Variants in DCDC1 observed in about 807,000 individuals in gnomAD.
The protein encoded by DCDC1 is doublecortin domain-containing protein 1.
In DCDC1, 200 loss-of-function variants were observed where a neutral mutation model predicts 178.3. The ratio of observed to expected loss-of-function variants is 1.12; its 90% CI spans 1.00 to 1.26. The LOEUF is 1.26. DCDC1 is among the 50% of genes most tolerant of loss of function. The pLI is 0.00. For synonymous variants in DCDC1, 690 were observed against 604.8 expected (o/e 1.14, Z -2.07); for missense variants, 1,983 against 1,749.2 (o/e 1.13, Z -2.38).
At chr11:31,099,062 T>G (rs960879785) in intron 15 of DCDC1, among the ~76,000 whole-genome samples, 1 of 152,206 alleles carries the variant, frequency 6.6e-6, no homozygotes, top group Non-Finnish European at 1.5e-5. Context: ...AGAAAATAGA[T>G]TTATCTTGTT....
At chr11:31,145,143 T>C (rs1222833371) in intron 9 of DCDC1, among the ~76,000 whole-genome samples, 1 of 152,232 alleles carries the variant, frequency 6.6e-6, no homozygotes, top group African/African-American at 2.4e-5. Flanking sequence ...AATCCCTATC[T>C]GAGCCCTTGA....
Position 31,102,249 on chromosome 11 carries a change from G to C in DCDC1, c.1911C>G (p.Phe637Leu). ...CAGGTATCTGTTGACTGGTACAGTT[G>C]AAATTAATTGGAAATCCCTCACAAA... ...WEVCEGFPIN[F>L]NCTSQQIPDQ... Residue 637 changes from phenylalanine (F) to leucine (L), a missense_variant, in exon 15 of 39, where the codon TTC (phenylalanine) becomes TTG (leucine). Transcript: ENST00000684477. The C allele has an allele frequency of 4.1e-6, 3 of 728,912 alleles. No homozygotes were observed. The highest frequency in any genetic ancestry group is 7.6e-6 in the Non-Finnish European group (3 of 394,566). The allele number at this position is 728,912 out of a possible 1,614,324, so 45.2% of individuals were successfully genotyped here. A position where few individuals can be genotyped will look rare whatever the true frequency, so the allele number is the denominator to read the frequency against.
chr11:31,249,123 G>A (rs1194834416), intron 8 of DCDC1, among the ~76,000 whole-genome samples: 2 of 152,048 alleles, frequency 1.3e-5, no homozygotes, highest in African/African-American at 4.8e-5. Context: ...CAAGGATTTG[G>A]TTTAAAAATT....
intron 4 of DCDC1, 93 bp downstream of exon 4, chr11:31,307,546 T>C: frequency 2.7e-6 from 4 of 1,476,598 alleles, no homozygotes; most frequent in Non-Finnish European, 3.6e-6. Flanking sequence ...TACATTTTAA[T>C]GTCTGAGATA....
intron 9 of DCDC1, among the ~76,000 whole-genome samples, chr11:31,190,039 A>C (rs569795300): frequency 6.6e-6 from 1 of 152,336 alleles, no homozygotes; most frequent in Non-Finnish European, 1.5e-5. Context: ...GACGAGTAAT[A>C]CAAAATGGTT....
chr11:31,213,265 T>C (rs1973036486), intron 9 of DCDC1, among the ~76,000 whole-genome samples: 1 of 151,454 alleles, frequency 6.6e-6, no homozygotes, highest in African/African-American at 2.4e-5. Context: ...TCAGGGTCTA[T>C]TTTCGCCTCA....
At chr11:30,941,243 A>G in intron 21 of DCDC1, among the ~76,000 whole-genome samples, 1 of 151,616 alleles carries the variant, frequency 6.6e-6, no homozygotes, top group East Asian at 1.9e-4. Context: ...AGCCCATTTT[A>G]CTCTATTGTC....
intron 20 of DCDC1, among the ~76,000 whole-genome samples, chr11:31,056,269 C>T (rs1361101191): frequency 4.0e-5 from 6 of 150,940 alleles, no homozygotes; most frequent in Non-Finnish European, 7.4e-5. Context: ...TTAGAGGAGA[C>T]CAAAAAAGAG....
At chr11:31,056,661 A>G (rs1158222534) in intron 20 of DCDC1, among the ~76,000 whole-genome samples, 1 of 152,182 alleles carries the variant, frequency 6.6e-6, no homozygotes, top group Non-Finnish European at 1.5e-5. Flanking sequence ...TAATAATCTC[A>G]AATTATAGAA....
In DCDC1 at chr11:30,946,057, CT is replaced by C. The variant is rs1266261609; in HGVS notation, c.2715+6387del. ...TCCTTTCAGAGATACACTTTTCCCCCTGAAGATGGTTTCTGAGTTCATATGA... is the reference window on the plus strand; with the variant it reads ...TCCTTTCAGAGATACACTTTTCCCCCGAAGATGGTTTCTGAGTTCATATGA... On this transcript the variant is annotated intron_variant, in intron 21 of 38. Transcript: ENST00000684477. Among the ~76,000 whole-genome samples, 4 of 152,124 alleles carry C rather than the reference CT, an allele frequency of 2.6e-5. No individual in the cohort carries two copies. The East Asian group carries it at 7.7e-4, about 29-fold the overall frequency.
At chr11:31,166,892 C>T (rs543005861) in intron 9 of DCDC1, among the ~76,000 whole-genome samples, 1 of 152,180 alleles carries the variant, frequency 6.6e-6, no homozygotes, top group East Asian at 1.9e-4. Flanking sequence ...GATTAGAGTT[C>T]TAGTAGTTGT....
At chr11:30,959,395 C>A (rs537644057) in intron 20 of DCDC1, among the ~76,000 whole-genome samples, 1 of 152,124 alleles carries the variant, frequency 6.6e-6, no homozygotes, top group Non-Finnish European at 1.5e-5. Flanking sequence ...TCCCTGTTCA[C>A]ATGTTCAGTG....
intron 2 of DCDC1, 23 bp downstream of exon 2, chr11:31,335,424 T>G (rs1950222079): frequency 6.6e-6 from 1 of 152,198 alleles, no homozygotes. Flanking sequence ...GTCCAACCAG[T>G]CCCAATGAGA....
chr11:30,925,479 A>C, intron 22 of DCDC1, 71 bp from the exon 23 acceptor site: 1 of 1,349,204 alleles, frequency 7.4e-7, no homozygotes. Flanking sequence ...AAAATAAAAG[A>C]AATCTGGGGC....
At chr11:31,354,094 C>T (rs1477691916) in intron 1 of DCDC1, among the ~76,000 whole-genome samples, 2 of 151,988 alleles carry the variant, frequency 1.3e-5, no homozygotes, top group Non-Finnish European at 2.9e-5. Flanking sequence ...GAGACCATCC[C>T]GGCCAACATG....
chr11:31,215,974 A>G (rs1311793252), intron 9 of DCDC1, among the ~76,000 whole-genome samples: 1 of 152,206 alleles, frequency 6.6e-6, no homozygotes, highest in African/African-American at 2.4e-5. Context: ...TCTGCCATGC[A>G]GAGCCAAGGA....
intron 9 of DCDC1, among the ~76,000 whole-genome samples, chr11:31,235,534 T>C (rs1362781030): frequency 1.3e-5 from 2 of 152,042 alleles, no homozygotes; most frequent in Admixed American, 1.3e-4. Context: ...GTACAGAGGA[T>C]AAATGATTTT....
intron 20 of DCDC1, among the ~76,000 whole-genome samples, chr11:30,970,819 A>G (rs1949734515): frequency 6.6e-6 from 1 of 152,134 alleles, no homozygotes; most frequent in Admixed American, 6.5e-5. Context: ...TCTGCCTACC[A>G]CAGCCAGCAT....
chr11:31,275,467 A>G (rs1945911578), intron 7 of DCDC1, among the ~76,000 whole-genome samples: 1 of 152,144 alleles, frequency 6.6e-6, no homozygotes, highest in Admixed American at 6.6e-5. Flanking sequence ...CTCAAGGAAG[A>G]CTACAATTAT....
Sources: gnomAD v4.1 joint callset for allele counts (sites outside exome capture counted in the v4.1 genomes callset) on GRCh38, gnomAD v4.1.1 for gene constraint, MANE v1.5 for transcripts, NCBI Gene and HGNC (gene_info 2026-07-23, HGNC 2026-07-21) for gene names.